The following RBMS3 variants were observed in gnomAD, a reference collection of about 807,000 sequenced individuals.
RBMS3 encodes the protein RNA binding motif single stranded interacting protein 3.
RBMS3 carries 27 observed loss-of-function variants against 66.8 expected under a neutral mutation model. The ratio of observed to expected loss-of-function variants is 0.40; its 90% CI spans 0.30 to 0.56. The LOEUF is 0.56. RBMS3 is among the 20% of genes least tolerant of loss of function. The pLI is 0.40. For synonymous variants in RBMS3, 188 were observed against 183.0 expected (o/e 1.03, Z -0.22); for missense variants, 513 against 549.5 (o/e 0.93, Z 0.66).
intron 11 of RBMS3, among the ~76,000 whole-genome samples, chr3:29,940,868 A>C (rs926174120): frequency 4.0e-5 from 6 of 151,646 alleles, no homozygotes; most frequent in Non-Finnish European, 8.8e-5. Flanking sequence ...TTTTTTTGTC[A>C]CAGCATTCCC....
At chr3:29,839,101 A>AT (rs893232410) in intron 6 of RBMS3, among the ~76,000 whole-genome samples, 1 of 152,090 alleles carries the variant, frequency 6.6e-6, no homozygotes, top group Non-Finnish European at 1.5e-5. Context: ...TTGTTAATAC[A>AT]TTTTTCAAGG....
At chr3:29,792,782 T>C (rs1170293803) in intron 6 of RBMS3, among the ~76,000 whole-genome samples, 1 of 152,176 alleles carries the variant, frequency 6.6e-6, no homozygotes, top group African/African-American at 2.4e-5. Context: ...TTAACAAAAA[T>C]AGATTTGAGT....
chr3:29,685,771 G>C (rs941404396), intron 4 of RBMS3, among the ~76,000 whole-genome samples: 1 of 152,148 alleles, frequency 6.6e-6, no homozygotes, highest in African/African-American at 2.4e-5. Context: ...GGACATCCCT[G>C]CATCATCACT....
intron 14 of RBMS3, among the ~76,000 whole-genome samples, chr3:30,000,429 A>G (rs906715671): frequency 6.6e-6 from 1 of 152,214 alleles, no homozygotes; most frequent in African/African-American, 2.4e-5. Context: ...GAATACTTTT[A>G]CACTGTTGGT....
chr3:29,410,962 C>G (rs1207883068), intron 1 of RBMS3, among the ~76,000 whole-genome samples: 1 of 82,476 alleles, frequency 1.2e-5, no homozygotes, highest in African/African-American at 4.8e-5. Flanking sequence ...CTATCCCTTT[C>G]TTCTTAAAAA....
At position 29,897,370 on chromosome 3, in the gene RBMS3, TG is replaced by T; in HGVS notation, c.792-8del. ...TTCGTGAATCTTCCTTTTTGTTTTCTGTTTGCAGATTTTATTCTTCACCGTA... is the reference window on the plus strand; with the variant it reads ...TTCGTGAATCTTCCTTTTTGTTTTCTTTTGCAGATTTTATTCTTCACCGTA... On this transcript the variant is annotated splice_polypyrimidine_tract_variant and splice_region_variant and intron_variant, in intron 8 of 14. Transcript: ENST00000383767. The T allele has an allele frequency of 6.2e-7, 1 of 1,609,374 alleles. No homozygotes were observed. The highest frequency in any genetic ancestry group is 8.5e-7 in the Non-Finnish European group (1 of 1,176,600).
chr3:29,990,227 A>G (rs1698742578), intron 13 of RBMS3, among the ~76,000 whole-genome samples: 1 of 151,284 alleles, frequency 6.6e-6, no homozygotes, highest in South Asian at 2.1e-4. Context: ...TTCAAATTCT[A>G]AAGAAGAAAT....
chr3:29,364,618 A>G (rs1216583888), intron 1 of RBMS3, among the ~76,000 whole-genome samples: 1 of 152,130 alleles, frequency 6.6e-6, no homozygotes, highest in Non-Finnish European at 1.5e-5. Context: ...CATACTTTAC[A>G]TTTTCCCATC....
intron 3 of RBMS3, among the ~76,000 whole-genome samples, chr3:29,549,663 G>A (rs1576197295): frequency 6.6e-6 from 1 of 152,036 alleles, no homozygotes; most frequent in African/African-American, 2.4e-5. Flanking sequence ...GCCTCCCAAA[G>A]TGCTGGGATT....
intron 1 of RBMS3, among the ~76,000 whole-genome samples, chr3:29,417,434 CT>C (rs1365315745): frequency 6.6e-6 from 1 of 151,964 alleles, no homozygotes; most frequent in East Asian, 1.9e-4. Context: ...TTGCTTTCAA[CT>C]TTTATGGTGT....
Position 29,739,842 on chromosome 3 carries a change from C to T in RBMS3, c.522C>T (p.Asp174=), listed in dbSNP as rs566851242. The T allele has an allele frequency of 1.1e-5, 18 of 1,611,124 alleles. No homozygotes were observed. The highest frequency in any genetic ancestry group is 9.9e-5 in the South Asian group (9 of 90,484). Residue 174 remains aspartate, a synonymous_variant, in exon 5 of 15, where the codon GAC becomes GAT. Transcript: ENST00000383767. ...TCATTTCCACAAGAATACTAAGAGA[C>T]GCTAATGGAGTCAGCAGAGGTGTTG... is the stretch of plus-strand genomic sequence containing the variant. The part of the protein sequence containing the change: ...GHVISTRILR[D]ANGVSRGVGF...
At chr3:29,313,011 C>T (rs1403731475) in intron 1 of RBMS3, among the ~76,000 whole-genome samples, 1 of 151,736 alleles carries the variant, frequency 6.6e-6, no homozygotes, top group Non-Finnish European at 1.5e-5. Flanking sequence ...TGCCTTGTCT[C>T]AAGCCCTAAG....
intron 10 of RBMS3, among the ~76,000 whole-genome samples, chr3:29,930,197 C>T (rs1428795941): frequency 1.9e-4 from 27 of 141,044 alleles, no homozygotes; most frequent in African/African-American, 6.9e-4. Flanking sequence ...CTGCAAGCTC[C>T]GCCTCCCGGG....
At chr3:29,991,476 G>A (rs1342862011) in intron 14 of RBMS3, 3 of 425,840 alleles carry the variant, frequency 7.0e-6, no homozygotes, top group Non-Finnish European at 1.3e-5. Context: ...TGTTGGATGT[G>A]TGATGGAAGT....
At chr3:29,320,865 T>G (rs570277573) in intron 1 of RBMS3, among the ~76,000 whole-genome samples, 1 of 151,844 alleles carries the variant, frequency 6.6e-6, no homozygotes, top group African/African-American at 2.4e-5. Flanking sequence ...TTTAAAAGAA[T>G]AAACTTTGAA....
intron 4 of RBMS3, among the ~76,000 whole-genome samples, chr3:29,617,683 G>A (rs2048716536): frequency 6.6e-6 from 1 of 152,054 alleles, no homozygotes; most frequent in Admixed American, 6.5e-5. Context: ...GATAAGATTT[G>A]GGTTTTGTGT....
intron 3 of RBMS3, among the ~76,000 whole-genome samples, chr3:29,555,666 T>C (rs1229894720): frequency 6.6e-6 from 1 of 152,142 alleles, no homozygotes; most frequent in African/African-American, 2.4e-5. Flanking sequence ...CTCAGGAATT[T>C]ATTGAGATTC....
Position 29,771,805 on chromosome 3 carries a change from G to A in RBMS3, c.637+8816G>A, listed in dbSNP as rs575517465. On this transcript the variant is annotated intron_variant, in intron 6 of 14. Coordinates refer to ENST00000383767, the MANE Select transcript of RBMS3 (RefSeq NM_001003793.3). ...AGGCATGACCTACATGGCTGGTGCA[G>A]GAGGAAGAGAGTGAAGGAGGAGGTG... Among the ~76,000 whole-genome samples the A allele has an allele frequency of 5.3e-5, 8 of 152,090 alleles. No homozygotes were observed. The East Asian group carries it at 1.4e-3, about 26-fold the overall frequency.
intron 5 of RBMS3, among the ~76,000 whole-genome samples, chr3:29,746,950 G>A (rs1251946671): frequency 6.6e-6 from 1 of 152,156 alleles, no homozygotes; most frequent in Non-Finnish European, 1.5e-5. Flanking sequence ...AAATGGAACT[G>A]GGGGAGCTTT....
Sources: gnomAD v4.1 joint callset for allele counts (sites outside exome capture counted in the v4.1 genomes callset) on GRCh38, gnomAD v4.1.1 for gene constraint, MANE v1.5 for transcripts, NCBI Gene and HGNC (gene_info 2026-07-23, HGNC 2026-07-21) for gene names.